Variants in EXOC4 observed in about 807,000 individuals in gnomAD.
EXOC4 encodes the protein SEC8-like 1.
In EXOC4, 71 loss-of-function variants were observed where a neutral mutation model predicts 107.2. The ratio of observed to expected loss-of-function variants is 0.66; its 90% CI spans 0.55 to 0.81. EXOC4 has a LOEUF of 0.81. Ranked by LOEUF, EXOC4 falls within the 30% of genes least tolerant of loss-of-function variation. The pLI is 0.00. For missense variants in EXOC4, 1,108 were observed against 1,189.6 expected (o/e 0.93, Z 1.01); for synonymous variants, 456 against 441.2 (o/e 1.03, Z -0.42).
chr7:133,668,400 GT>G (rs1437170857), intron 10 of EXOC4, among the ~76,000 whole-genome samples: 2 of 152,108 alleles, frequency 1.3e-5, no homozygotes, highest in Non-Finnish European at 2.9e-5. Context: ...TAACAATATA[GT>G]TTTTTTCTTG....
chr7:133,489,691 A>G (rs1046919673), intron 9 of EXOC4, among the ~76,000 whole-genome samples: 1 of 152,138 alleles, frequency 6.6e-6, no homozygotes, highest in Admixed American at 6.5e-5. Flanking sequence ...TTAATCCTGT[A>G]TAGGTTTATT....
chr7:133,500,484 C>T (rs772159016), intron 9 of EXOC4, among the ~76,000 whole-genome samples: 2 of 152,194 alleles, frequency 1.3e-5, no homozygotes, highest in South Asian at 2.1e-4. Context: ...GTTCCTTTCA[C>T]TGCTGAGTAG....
intron 10 of EXOC4, among the ~76,000 whole-genome samples, chr7:133,803,615 A>G (rs891002915): frequency 6.6e-6 from 1 of 152,180 alleles, no homozygotes; most frequent in Non-Finnish European, 1.5e-5. Flanking sequence ...TGCATATTGT[A>G]TCATTTTAAT....
intron 10 of EXOC4, among the ~76,000 whole-genome samples, chr7:133,741,652 G>A (rs565762614): frequency 6.6e-6 from 1 of 152,150 alleles, no homozygotes; most frequent in South Asian, 2.1e-4. Context: ...TGCACAGTAC[G>A]GTATTACTTT....
intron 10 of EXOC4, among the ~76,000 whole-genome samples, chr7:133,763,563 A>G (rs2345949): frequency 0.99 from 150,088 of 152,184 alleles, 74,060 homozygotes; most frequent in Middle Eastern, 1. Context: ...AGGTTGTTGG[A>G]AGAAGTAAAT....
At chr7:133,914,818 G>A (rs1271694906) in intron 12 of EXOC4, among the ~76,000 whole-genome samples, 1 of 152,028 alleles carries the variant, frequency 6.6e-6, no homozygotes, top group African/African-American at 2.4e-5. Flanking sequence ...GACCACATGA[G>A]GAAATACACC....
intron 2 of EXOC4, among the ~76,000 whole-genome samples, chr7:133,283,588 TCCATA>T (rs1296756081): frequency 6.6e-6 from 1 of 152,186 alleles, no homozygotes; most frequent in Non-Finnish European, 1.5e-5. Flanking sequence ...TTGAGGAAAC[TCCATA>T]CTATTTTCCA....
At chr7:133,303,248 C>T (rs903699001) in intron 3 of EXOC4, among the ~76,000 whole-genome samples, 4 of 152,148 alleles carry the variant, frequency 2.6e-5, no homozygotes, top group African/African-American at 9.7e-5. Context: ...GCCTGGCCAA[C>T]ATGGTGAAAC....
At chr7:133,392,432 T>C (rs1309683163) in intron 7 of EXOC4, among the ~76,000 whole-genome samples, 5 of 152,174 alleles carry the variant, frequency 3.3e-5, no homozygotes, top group Non-Finnish European at 7.4e-5. Flanking sequence ...TAGGGTCCTT[T>C]ACCTAAGGTG....
intron 17 of EXOC4, among the ~76,000 whole-genome samples, chr7:134,045,982 G>A (rs1563103268): frequency 2.6e-5 from 4 of 151,976 alleles, no homozygotes; most frequent in Admixed American, 6.6e-5. Context: ...ATATACTCAG[G>A]TACACATCCC....
intron 9 of EXOC4, among the ~76,000 whole-genome samples, chr7:133,519,343 A>C (rs1241586437): frequency 2.6e-5 from 4 of 152,124 alleles, no homozygotes; most frequent in Non-Finnish European, 5.9e-5. Flanking sequence ...TAATCGCTTG[A>C]GCCCAGGAGG....
At chr7:133,775,993 CTT>C (rs1796337859) in intron 10 of EXOC4, among the ~76,000 whole-genome samples, 1 of 152,040 alleles carries the variant, frequency 6.6e-6, no homozygotes, top group African/African-American at 2.4e-5. Flanking sequence ...TCTTAATAGA[CTT>C]AAGATTTATT....
intron 10 of EXOC4, among the ~76,000 whole-genome samples, chr7:133,680,337 AGT>A: frequency 6.6e-6 from 1 of 152,194 alleles, no homozygotes; most frequent in African/African-American, 2.4e-5. Context: ...TTAACAATAT[AGT>A]TAACACTTAA....
chr7:133,832,067 C>T (rs1161623316), intron 11 of EXOC4, among the ~76,000 whole-genome samples: 2 of 152,104 alleles, frequency 1.3e-5, no homozygotes, highest in African/African-American at 4.8e-5. Flanking sequence ...ACAGTATATA[C>T]GTATAGCAGT....
At chr7:133,439,432 C>G (rs557978195) in intron 7 of EXOC4, among the ~76,000 whole-genome samples, 2 of 152,190 alleles carry the variant, frequency 1.3e-5, no homozygotes, top group South Asian at 4.2e-4. Context: ...ATCTGCCTGT[C>G]TCAGCCTCCC....
rs1270162361 is a variant in EXOC4 at position 133,475,464 on chromosome 7, C to G, written c.1319C>G (p.Ser440Cys). 6.2e-7 allele frequency: 1 copy of G among 1,613,894 alleles called. No homozygotes were observed. The change falls in exon 8 of 18, where the codon TCT becomes TGT. Residue 440 changes from serine to cysteine, a missense_variant. Ser to Cys is a moderately radical substitution (Grantham distance 112). Coordinates refer to ENST00000253861, the MANE Select transcript of EXOC4 (RefSeq NM_021807.4). Reference sequence around the variant, plus strand: ...AAGAAACCTCAAAGGCCAAAAAATTCTCTTTTCAAGTAAGTATTATTCTGC... The same window carrying G: ...AAGAAACCTCAAAGGCCAAAAAATTGTCTTTTCAAGTAAGTATTATTCTGC... Reference protein sequence around the residue: ...AKKKPQRPKNSLFKFESSSHA... With the variant: ...AKKKPQRPKNCLFKFESSSHA...
At chr7:133,659,846 C>T (rs983218068) in intron 10 of EXOC4, among the ~76,000 whole-genome samples, 3 of 152,204 alleles carry the variant, frequency 2.0e-5, no homozygotes, top group African/African-American at 7.2e-5. Context: ...TCCTGACAAA[C>T]CCTCTTTGCT....
At chr7:133,281,962 C>T (rs1473270140) in intron 2 of EXOC4, among the ~76,000 whole-genome samples, 1 of 152,154 alleles carries the variant, frequency 6.6e-6, no homozygotes, top group African/African-American at 2.4e-5. Context: ...CTTGGCCTCC[C>T]AAAGTTCTGG....
At chr7:133,333,549 A>T (rs765827082) in intron 5 of EXOC4, among the ~76,000 whole-genome samples, 1 of 152,114 alleles carries the variant, frequency 6.6e-6, no homozygotes, top group Non-Finnish European at 1.5e-5. Context: ...GCTAGGAGAT[A>T]TGTATGTGCA....
Sources: gnomAD v4.1 joint callset for allele counts (sites outside exome capture counted in the v4.1 genomes callset) on GRCh38, gnomAD v4.1.1 for gene constraint, MANE v1.5 for transcripts, NCBI Gene and HGNC (gene_info 2026-07-23, HGNC 2026-07-21) for gene names.